Variants in WFS1 observed in about 807,000 individuals in gnomAD.
WFS1 encodes the protein wolframin ER transmembrane glycoprotein, also known as wolframin.
WFS1 carries 90 observed loss-of-function variants against 68.5 expected under a neutral mutation model. That is an observed-to-expected ratio of 1.31 (90% confidence interval 1.11 to 1.56). WFS1 has a LOEUF of 1.56. Among genes scored for constraint, WFS1 ranks in the 40% most tolerant of loss-of-function variants. WFS1 has a pLI of 0.00. For synonymous variants in WFS1, 860 were observed against 540.7 expected, an observed-to-expected ratio of 1.59 and a Z score of -8.19; for missense variants, 1,767 against 1,232.6, an observed-to-expected ratio of 1.43 and a Z score of -6.49.
intron 3 of WFS1, among the ~76,000 whole-genome samples, chr4:6,288,033 A>T (rs1204363358): frequency 6.6e-6 from 1 of 152,160 alleles, no homozygotes; most frequent in Non-Finnish European, 1.5e-5. Flanking sequence ...CCTGGCCAAC[A>T]TGATGAAACC....
intron 6 of WFS1, 189 bp from the exon 7 acceptor site, chr4:6,294,852 C>T: frequency 1.2e-6 from 1 of 869,450 alleles, no homozygotes; most frequent in South Asian, 1.6e-5. Flanking sequence ...GGCAAACCTG[C>T]CCCCTTCCTC....
chr4:6,289,743 G>T (rs1002464645), intron 4 of WFS1, among the ~76,000 whole-genome samples: 14 of 152,224 alleles, frequency 9.2e-5, no homozygotes, highest in Non-Finnish European at 1.8e-4. Flanking sequence ...CTTCCTGAAG[G>T]TTCCACGCCT....
At chr4:6,290,162 C>T (rs1730421622) in intron 4 of WFS1, among the ~76,000 whole-genome samples, 1 of 152,216 alleles carries the variant, frequency 6.6e-6, no homozygotes, top group Non-Finnish European at 1.5e-5. Flanking sequence ...TGGTCACAAA[C>T]TCCTGACCTC....
At chr4:6,292,794 T>C (rs999888557) in intron 6 of WFS1, among the ~76,000 whole-genome samples, 1 of 152,110 alleles carries the variant, frequency 6.6e-6, no homozygotes, top group South Asian at 2.1e-4. Flanking sequence ...AGTTTCCCCT[T>C]CTGAACAGTG....
At chr4:6,276,240 C>G (rs193057915) in intron 1 of WFS1, among the ~76,000 whole-genome samples, 9 of 152,326 alleles carry the variant, frequency 5.9e-5, no homozygotes, top group Admixed American at 5.2e-4. Flanking sequence ...GCCGCTCATC[C>G]AGGGCCCATC....
At position 6,302,724 on chromosome 4, in the gene WFS1, A is replaced by C; in HGVS notation, c.*256A>C. On this transcript the variant is annotated 3_prime_UTR_variant, in exon 8 of 8. Transcript: ENST00000226760. Reference sequence around the variant, plus strand: ...ACCCTGAGCCTGACCTTTCTGAGTGACATGGGTGTGCCAGGCTAGACTAGG... The same window carrying C: ...ACCCTGAGCCTGACCTTTCTGAGTGCCATGGGTGTGCCAGGCTAGACTAGG... 1 of 594,340 alleles carries C rather than the reference A, an allele frequency of 1.7e-6. No individual in the cohort carries two copies. The highest frequency in any genetic ancestry group is 3.1e-5 in the Admixed American group (1 of 32,068). The allele number at this position is 594,340 out of a possible 1,614,324, so 36.8% of individuals were successfully genotyped here.
At position 6,283,022 on chromosome 4, in the gene WFS1, G is replaced by T. The variant is rs899948028; in HGVS notation, c.233-4071G>T. 4.6e-5 allele frequency among the ~76,000 whole-genome samples: 7 copies of T among 152,214 alleles called. No individual in the cohort carries two copies. The highest frequency in any genetic ancestry group is 1.0e-4 in the Non-Finnish European group (7 of 68,036). On this transcript the variant is annotated intron_variant, in intron 2 of 7. Transcript: ENST00000226760. The surrounding 1 kb of genome is among the most constrained non-coding windows in gnomAD (Gnocchi z 5.0). ...ACGGACATAGATGGCATCCACGAAG[G>T]CTGGCGGAGCCTGTGATAGACGATG... is the stretch of plus-strand genomic sequence containing the variant.
At chr4:6,278,887 C>T (rs1374499664) in intron 2 of WFS1, among the ~76,000 whole-genome samples, 7 of 152,326 alleles carry the variant, frequency 4.6e-5, no homozygotes, top group Non-Finnish European at 8.8e-5. Flanking sequence ...TACCAGGGCT[C>T]GGAAGCTTGG....
intron 6 of WFS1, among the ~76,000 whole-genome samples, chr4:6,293,999 G>A (rs902956088): frequency 1.4e-5 from 2 of 147,300 alleles, no homozygotes; most frequent in Admixed American, 6.6e-5. Flanking sequence ...CCCCAAGGCT[G>A]CCTCATCTCT....
At position 6,302,564 on chromosome 4, in the gene WFS1, GC is replaced by G. The variant is rs71530917; in HGVS notation, c.*99del. The G allele has an allele frequency of 6.3e-4, 970 of 1,549,160 alleles. 4 individuals carry two copies. In the African/African-American group the frequency reaches 7.9e-3, roughly 13 times the overall value. On this transcript the variant is annotated 3_prime_UTR_variant, in exon 8 of 8. Coordinates refer to ENST00000226760, the MANE Select transcript of WFS1 (RefSeq NM_006005.3). ...ACAGGCATGCACCAGTGCCGCCTGT[GC>G]CCACGTGTGCAGACTGTGGCTGCAG...
Position 6,287,367 on chromosome 4 carries a change from G to A in WFS1, c.315+192G>A, listed in dbSNP as rs547623071. Reference sequence around the variant, plus strand: ...GTTCACTGTGCCAGTTTTCCTCCTGGCACTCCTCTGGGGAGCAGCGCTCAT... The same window carrying A: ...GTTCACTGTGCCAGTTTTCCTCCTGACACTCCTCTGGGGAGCAGCGCTCAT... On this transcript the variant is annotated intron_variant, in intron 3 of 7. Transcript: ENST00000226760. This position sits in a 1 kb window ranked among gnomAD's most constrained non-coding sequence, Gnocchi z 6.4. The A allele has an allele frequency of 2.4e-5, 15 of 631,782 alleles. 1 individual carries two copies. The African/African-American group carries it at 2.5e-4, about 11-fold the overall frequency. 39.1% of individuals were successfully genotyped at this position (631,782 alleles called of 1,614,324 possible).
chr4:6,278,661 G>A lies in WFS1; in HGVS notation c.232+974G>A, dbSNP rs59316112. Among the ~76,000 whole-genome samples, 312 of 152,348 alleles carry A rather than the reference G, an allele frequency of 2.0e-3. 2 individuals are homozygous for A. The highest frequency in any genetic ancestry group is 7.1e-3 in the African/African-American group (294 of 41,580). ...TCCCAGTCACCCCACTGGCAGGGCC[G>A]TGGGGCCTCCCTGCTGTGGTCGCAG... On this transcript the variant is annotated intron_variant, in intron 2 of 7. Transcript: ENST00000226760.
chr4:6,280,603 A>G (rs1483862696), intron 2 of WFS1, among the ~76,000 whole-genome samples: 1 of 152,190 alleles, frequency 6.6e-6, no homozygotes, highest in African/African-American at 2.4e-5. Context: ...ACAGAGGGAC[A>G]GGCCTGGTGC....
intron 7 of WFS1, among the ~76,000 whole-genome samples, chr4:6,296,607 G>A (rs1730646862): frequency 6.6e-6 from 1 of 152,196 alleles, no homozygotes. Context: ...CATGGTTTTG[G>A]CAAAGACACT....
chr4:6,287,411 A>T lies in WFS1; in HGVS notation c.315+236A>T, dbSNP rs56982804. 5,345 of 559,252 alleles carry T rather than the reference A, an allele frequency of 9.6e-3. 49 individuals are homozygous for T. The highest frequency in any genetic ancestry group is 0.019 in the African/African-American group (1,008 of 53,070). The allele number at this position is 559,252 out of a possible 1,614,324, so 34.6% of individuals were successfully genotyped here. ...CGCTCATCCCCCTTTTGTCCAACTC[A>T]CACCTCATCTTGGGCATCACCTCCT... is the stretch of plus-strand genomic sequence containing the variant. On this transcript the variant is annotated intron_variant, in intron 3 of 7. Transcript: ENST00000226760. The surrounding 1 kb of genome is among the most constrained non-coding windows in gnomAD (Gnocchi z 6.4).
intron 2 of WFS1, among the ~76,000 whole-genome samples, chr4:6,280,673 G>A (rs1197786464): frequency 6.6e-6 from 1 of 152,206 alleles, no homozygotes; most frequent in East Asian, 1.9e-4. Context: ...GGCATGCTGT[G>A]GCTATCATGT....
chr4:6,298,611 CCTT>C (rs1560415361), intron 7 of WFS1, among the ~76,000 whole-genome samples: 1 of 152,084 alleles, frequency 6.6e-6, no homozygotes, highest in Non-Finnish European at 1.5e-5. Context: ...ATGAGCCTGT[CCTT>C]CTCATCTGTG....
intron 7 of WFS1, among the ~76,000 whole-genome samples, chr4:6,300,383 A>G (rs985355771): frequency 1.4e-4 from 21 of 152,132 alleles, no homozygotes; most frequent in African/African-American, 4.8e-4. Flanking sequence ...AGAAGCACAC[A>G]TGCATCTAGT....
In WFS1 at chr4:6,302,752, G is replaced by T; in HGVS notation, c.*284G>T. The stretch of plus-strand genomic sequence containing the variant: ...TGGGTGTGCCAGGCTAGACTAGGAG[G>T]TTCCGGTGTCTGGAAAAGCACTTTA... On this transcript the variant is annotated 3_prime_UTR_variant, in exon 8 of 8. Transcript: ENST00000226760. The T allele has an allele frequency of 1.8e-6, 1 of 542,556 alleles. No homozygotes were observed. The highest frequency in any genetic ancestry group is 2.4e-5 in the South Asian group (1 of 41,934). 33.6% of individuals were successfully genotyped at this position (542,556 alleles called of 1,614,324 possible). A position where few individuals can be genotyped will look rare whatever the true frequency, so the allele number is the denominator to read the frequency against.
Sources: gnomAD v4.1 joint callset for allele counts (sites outside exome capture counted in the v4.1 genomes callset) on GRCh38, gnomAD v4.1.1 for gene constraint, Gnocchi (gnomAD v3.1) non-coding constraint, MANE v1.5 for transcripts, NCBI Gene and HGNC (gene_info 2026-07-23, HGNC 2026-07-21) for gene names.